LLGL2: variants seen among roughly 807,000 people sequenced by gnomAD.
LLGL2 encodes the protein LLGL2, scribble cell polarity complex component.
In LLGL2, 81 loss-of-function variants were observed where a neutral mutation model predicts 123.2. That is an observed-to-expected ratio of 0.66 (90% confidence interval 0.55 to 0.79). The LOEUF (loss-of-function observed/expected upper bound fraction) is 0.79. Among genes scored for constraint, LLGL2 ranks in the 30% least tolerant of loss-of-function variants. The probability of loss-of-function intolerance (pLI) is 0.00; values close to 1 mark genes in which losing one functional copy is unlikely to be tolerated. For missense variants in LLGL2, 1,273 were observed against 1,414.6 expected (o/e 0.90, Z 1.61); for synonymous variants, 577 against 594.1 (o/e 0.97, Z 0.42).
chr17:75,557,965 C>T lies in LLGL2; in HGVS notation c.174-190C>T, dbSNP rs746806874. The T allele has an allele frequency of 1.2e-4, 88 of 704,078 alleles. No homozygotes were observed. The African/African-American group carries it at 1.3e-3, about 11-fold the overall frequency. 43.6% of individuals were successfully genotyped at this position (704,078 alleles called of 1,614,324 possible). On this transcript the variant is annotated intron_variant, in intron 3 of 25. Transcript: ENST00000392550. The stretch of plus-strand genomic sequence containing the variant: ...ATCTCCCAGGGATCAGGTCACTGGC[C>T]TGGTGCCCCAGGGCCAGGGCTGCTG...
At chr17:75,553,454 A>G (rs1196294285) in intron 2 of LLGL2, among the ~76,000 whole-genome samples, 2 of 152,252 alleles carry the variant, frequency 1.3e-5, no homozygotes, top group East Asian at 1.9e-4. Flanking sequence ...TGGGGGAGGC[A>G]GGTAGCAATT....
chr17:75,553,597 G>A (rs1280539795), intron 2 of LLGL2, among the ~76,000 whole-genome samples: 1 of 152,154 alleles, frequency 6.6e-6, no homozygotes, highest in South Asian at 2.1e-4. Context: ...ACCTTTTTCT[G>A]CAAGTCAGAG....
At chr17:75,543,376 C>T (rs1300523352) in intron 1 of LLGL2, 21 bp from the exon 2 acceptor site, 4 of 1,545,824 alleles carry the variant, frequency 2.6e-6, no homozygotes, top group Non-Finnish European at 2.7e-6. Flanking sequence ...CAGACCCCTG[C>T]AGCTCCTTCT....
chr17:75,552,771 T>G (rs1242208442), intron 2 of LLGL2, among the ~76,000 whole-genome samples: 1 of 152,196 alleles, frequency 6.6e-6, no homozygotes, highest in Non-Finnish European at 1.5e-5. Flanking sequence ...CCAGACATAC[T>G]TGAAGGGTTT....
chr17:75,567,804 T>C (rs1421687891), intron 10 of LLGL2: 1 of 152,170 alleles, frequency 6.6e-6, no homozygotes, highest in Non-Finnish European at 1.5e-5. Context: ...TAGCTGGGTA[T>C]CGTGGCTCAC....
At chr17:75,574,006 C>T (rs1232777283) in intron 22 of LLGL2, 26 bp downstream of exon 22, 2 of 1,550,574 alleles carry the variant, frequency 1.3e-6, no homozygotes, top group Non-Finnish European at 1.7e-6. Flanking sequence ...TGGGCTCATG[C>T]ACACCTGGGC....
chr17:75,557,349 T>TAG (rs1220410049), intron 3 of LLGL2, among the ~76,000 whole-genome samples: 1 of 152,222 alleles, frequency 6.6e-6, no homozygotes, highest in Non-Finnish European at 1.5e-5. Context: ...GAGAGGGCTC[T>TAG]GCCTGGCAGG....
At chr17:75,533,148 C>T (rs868157115) in intron 1 of LLGL2, among the ~76,000 whole-genome samples, 1 of 151,216 alleles carries the variant, frequency 6.6e-6, no homozygotes, top group South Asian at 2.1e-4. Flanking sequence ...TACAGGCTCC[C>T]GCCACCACGC....
Position 75,573,846 on chromosome 17 carries a change from G to T in LLGL2, c.2877-106G>T, listed in dbSNP as rs1671019. On this transcript the variant is annotated intron_variant, in intron 21 of 25. Transcript: ENST00000392550. ...ACTCAGTTTACCTCCCAGGCTCTCC[G>T]GCTCAGGACAGGCTGCGCCATTGAC... is the stretch of plus-strand genomic sequence containing the variant. 0.37 allele frequency: 514,875 copies of T among 1,394,988 alleles called. 101,033 individuals are homozygous for T. The highest frequency in any genetic ancestry group is 0.67 in the African/African-American group (46,971 of 69,726). 86.4% of individuals were successfully genotyped at this position (1,394,988 alleles called of 1,614,324 possible). A position where few individuals can be genotyped will look rare whatever the true frequency, so the allele number is the denominator to read the frequency against.
rs192559979 is a variant in LLGL2 at position 75,549,857 on chromosome 17, C to T, written c.76-6189C>T. ...AGCCTTTGCCCACTCGCTCCCCTTC[C>T]GGGACCTGGAAAGGAGTCCCAGAGC... On this transcript the variant is annotated intron_variant, in intron 2 of 25. Coordinates refer to ENST00000392550, the MANE Select transcript of LLGL2 (RefSeq NM_001031803.2). This position sits in a 1 kb window ranked among gnomAD's most constrained non-coding sequence, Gnocchi z 4.0. Among the ~76,000 whole-genome samples the T allele has an allele frequency of 1.3e-5, 2 of 152,358 alleles. No homozygotes were observed. The highest frequency in any genetic ancestry group is 1.9e-4 in the East Asian group (1 of 5,186).
chr17:75,572,443 C>G (rs1466629567), intron 19 of LLGL2, among the ~76,000 whole-genome samples: 2 of 152,130 alleles, frequency 1.3e-5, no homozygotes, highest in Admixed American at 1.3e-4. Context: ...GCGGGCAGAT[C>G]ACAAGGTCAG....
Position 75,571,033 on chromosome 17 carries a change from C to T in LLGL2, c.2109C>T (p.Arg703=), listed in dbSNP as rs1365062871. 1.2e-6 allele frequency: 2 copies of T among 1,613,050 alleles called. No homozygotes were observed. Among genetic ancestry groups the T allele is most frequent in the Admixed American group, 1.7e-5 (1 of 60,014 alleles). Residue 703 remains arginine (R), a synonymous_variant, in exon 17 of 26, where the codon CGC becomes CGT. Coordinates refer to ENST00000392550, the MANE Select transcript of LLGL2 (RefSeq NM_001031803.2). ...CTGTGCAGCGCAAGATCGAGGCTCG[C>T]TCGGCAGAGGACTCCTTCACAGGCT... The part of the protein sequence containing the change: ...LAPVQRKIEA[R]SAEDSFTGFV...
In LLGL2 at chr17:75,543,355, GA is replaced by G. The variant is rs2054290804; in HGVS notation, c.-30-41del. 3 of 1,415,672 alleles carry G rather than the reference GA, an allele frequency of 2.1e-6. 1 individual carries two copies. In the South Asian group the frequency reaches 3.9e-5, roughly 18 times the overall value. The allele number at this position is 1,415,672 out of a possible 1,614,324, so 87.7% of individuals were successfully genotyped here. On this transcript the variant is annotated intron_variant, in intron 1 of 25. Transcript: ENST00000392550. ...TTTGGGCCGGGCCTAATCGATACCT[GA>G]GTGCCAGGACAGACCCCTGCAGCTC...
At chr17:75,556,779 A>C (rs141802283) in intron 3 of LLGL2, among the ~76,000 whole-genome samples, 4,727 of 152,220 alleles carry the variant, frequency 0.031, 224 homozygotes, top group African/African-American at 0.11. Flanking sequence ...TTTTTTCGGC[A>C]CTTTGGGAGG....
At chr17:75,542,441 CAAGG>C (rs1324685509) in intron 1 of LLGL2, among the ~76,000 whole-genome samples, 1 of 152,104 alleles carries the variant, frequency 6.6e-6, no homozygotes, top group Non-Finnish European at 1.5e-5. Flanking sequence ...CTGTGTTTCC[CAAGG>C]ACGGGCCTTG....
chr17:75,540,340 C>T (rs564332125), intron 1 of LLGL2, among the ~76,000 whole-genome samples: 1 of 152,316 alleles, frequency 6.6e-6, no homozygotes, highest in South Asian at 2.1e-4. Context: ...TTCAAGGAAG[C>T]GTGGTGCTTT....
intron 1 of LLGL2, among the ~76,000 whole-genome samples, chr17:75,541,521 C>T (rs531889966): frequency 6.6e-6 from 1 of 152,294 alleles, no homozygotes; most frequent in Admixed American, 6.5e-5. Context: ...TCCCGGCCAC[C>T]TGCTCTTCCC....
At chr17:75,534,233 C>G (rs1240252208) in intron 1 of LLGL2, among the ~76,000 whole-genome samples, 1 of 152,266 alleles carries the variant, frequency 6.6e-6, no homozygotes, top group East Asian at 1.9e-4. Flanking sequence ...CACCTTCCAC[C>G]CCATCCTCAC....
chr17:75,543,188 G>A, intron 1 of LLGL2: 1 of 351,784 alleles, frequency 2.8e-6, no homozygotes, highest in Non-Finnish European at 5.1e-6. Flanking sequence ...GCCACAGGTG[G>A]TGACAGCCTT....
Sources: allele counts gnomAD v4.1 joint callset (sites outside exome capture counted in the v4.1 genomes callset), GRCh38; gene constraint gnomAD v4.1.1; non-coding constraint Gnocchi (gnomAD v3.1); transcripts MANE v1.5; gene names NCBI Gene and HGNC (gene_info 2026-07-23, HGNC 2026-07-21).